The following TTC39B variants were observed in gnomAD, a reference collection of about 807,000 sequenced individuals.
The protein encoded by TTC39B is tetratricopeptide repeat protein 39B.
TTC39B carries 92 observed loss-of-function variants against 96.6 expected under a neutral mutation model. The ratio of observed to expected loss-of-function variants is 0.95; its 90% CI spans 0.80 to 1.13. The LOEUF (loss-of-function observed/expected upper bound fraction) is 1.13. TTC39B is among the 50% of genes most tolerant of loss of function. The pLI is 0.00. For synonymous variants in TTC39B, 367 were observed against 299.4 expected, an observed-to-expected ratio of 1.23 and a Z score of -2.33; for missense variants, 955 against 809.3, an observed-to-expected ratio of 1.18 and a Z score of -2.18.
chr9:15,297,553 C>G (rs1014090825), intron 1 of TTC39B, among the ~76,000 whole-genome samples: 1 of 152,118 alleles, frequency 6.6e-6, no homozygotes, highest in African/African-American at 2.4e-5. Flanking sequence ...ACCCTGCACT[C>G]CAGGTTACAG....
chr9:15,204,432 G>C (rs1466114310), intron 6 of TTC39B, among the ~76,000 whole-genome samples: 1 of 152,040 alleles, frequency 6.6e-6, no homozygotes, highest in Non-Finnish European at 1.5e-5. Context: ...GGGAGGCTGA[G>C]GTAGGAGAAT....
At chr9:15,257,788 G>A (rs942310944) in intron 2 of TTC39B, among the ~76,000 whole-genome samples, 34 of 151,680 alleles carry the variant, frequency 2.2e-4, no homozygotes, top group South Asian at 4.2e-4. Context: ...GGCCAGGCAC[G>A]GTGGCTCACG....
chr9:15,286,880 T>A (rs529371262), intron 1 of TTC39B, among the ~76,000 whole-genome samples: 31 of 152,370 alleles, frequency 2.0e-4, no homozygotes, highest in African/African-American at 7.5e-4. Context: ...AATTATTTTG[T>A]TGCTCAAATT....
intron 2 of TTC39B, among the ~76,000 whole-genome samples, chr9:15,230,932 C>T (rs1456150052): frequency 6.6e-6 from 1 of 151,764 alleles, no homozygotes; most frequent in East Asian, 1.9e-4. Context: ...TTGCAGTGAG[C>T]CAAGATTGTG....
intron 2 of TTC39B, among the ~76,000 whole-genome samples, chr9:15,265,101 A>G (rs1471147317): frequency 2.0e-5 from 3 of 152,196 alleles, no homozygotes; most frequent in Non-Finnish European, 4.4e-5. Flanking sequence ...TGGGCTAGCA[A>G]TTTTAGGGCT....
At chr9:15,176,361 C>A (rs568823641) in intron 18 of TTC39B, among the ~76,000 whole-genome samples, 1 of 152,286 alleles carries the variant, frequency 6.6e-6, no homozygotes, top group Admixed American at 6.5e-5. Context: ...AAATAGAATT[C>A]AATAGATATT....
intron 8 of TTC39B, among the ~76,000 whole-genome samples, chr9:15,197,828 G>A (rs1038506093): frequency 8.6e-5 from 13 of 150,982 alleles, no homozygotes; most frequent in East Asian, 3.9e-4. Flanking sequence ...ACAATAGGAC[G>A]CCAGTTTTAA....
At chr9:15,226,322 A>T (rs1246822896) in intron 2 of TTC39B, among the ~76,000 whole-genome samples, 1 of 152,186 alleles carries the variant, frequency 6.6e-6, no homozygotes, top group Non-Finnish European at 1.5e-5. Flanking sequence ...TTCCCAAGTA[A>T]ATCTATACAT....
At chr9:15,259,732 T>C (rs1036539905) in intron 2 of TTC39B, among the ~76,000 whole-genome samples, 2 of 152,322 alleles carry the variant, frequency 1.3e-5, no homozygotes, top group Admixed American at 6.5e-5. Flanking sequence ...ACTTACTATA[T>C]TTTTTATTTA....
chr9:15,291,453 G>A (rs1359825290), intron 1 of TTC39B, among the ~76,000 whole-genome samples: 1 of 152,214 alleles, frequency 6.6e-6, no homozygotes, highest in African/African-American at 2.4e-5. Context: ...CCCAGCCACA[G>A]TGAACTGTAA....
At chr9:15,297,745 C>A (rs62570852) in intron 1 of TTC39B, among the ~76,000 whole-genome samples, 2 of 152,002 alleles carry the variant, frequency 1.3e-5, no homozygotes, top group Admixed American at 6.6e-5. Context: ...TCAGCCTCCA[C>A]GCCTTGCCAG....
chr9:15,286,255 G>A (rs569278214), intron 1 of TTC39B, among the ~76,000 whole-genome samples: 21 of 152,176 alleles, frequency 1.4e-4, no homozygotes, highest in Non-Finnish European at 2.5e-4. Context: ...TTCACATCTG[G>A]CAGTCACAAC....
chr9:15,203,536 C>T (rs1819666139), intron 7 of TTC39B, among the ~76,000 whole-genome samples: 1 of 151,844 alleles, frequency 6.6e-6, no homozygotes, highest in Non-Finnish European at 1.5e-5. Flanking sequence ...GCTAGGATTA[C>T]AGGCGTGAGC....
intron 3 of TTC39B, among the ~76,000 whole-genome samples, chr9:15,215,631 G>A (rs919608062): frequency 6.6e-6 from 1 of 151,706 alleles, no homozygotes; most frequent in Non-Finnish European, 1.5e-5. Flanking sequence ...GCCGAGGCAG[G>A]TGGATCATTT....
At chr9:15,271,577 G>A (rs1052036027) in intron 1 of TTC39B, among the ~76,000 whole-genome samples, 4 of 151,904 alleles carry the variant, frequency 2.6e-5, no homozygotes, top group South Asian at 4.2e-4. Flanking sequence ...AGACTCTCAC[G>A]CCACCGCTGA....
intron 8 of TTC39B, among the ~76,000 whole-genome samples, chr9:15,195,374 A>G (rs1819098707): frequency 6.6e-6 from 1 of 152,160 alleles, no homozygotes; most frequent in African/African-American, 2.4e-5. Context: ...CACCATCTCT[A>G]TAACAAAAAA....
chr9:15,275,247 G>A (rs1823496845), intron 1 of TTC39B, among the ~76,000 whole-genome samples: 1 of 152,094 alleles, frequency 6.6e-6, no homozygotes, highest in African/African-American at 2.4e-5. Flanking sequence ...CTCCAGGTTG[G>A]TAAGGCTGGT....
chr9:15,300,293 G>T (rs1422193955), intron 1 of TTC39B, among the ~76,000 whole-genome samples: 1 of 152,112 alleles, frequency 6.6e-6, no homozygotes, highest in African/African-American at 2.4e-5. Flanking sequence ...CCCCTACCCA[G>T]CCACACAAGG....
chr9:15,296,328 T>C (rs1320885897), intron 1 of TTC39B, among the ~76,000 whole-genome samples: 1 of 152,194 alleles, frequency 6.6e-6, no homozygotes, highest in Non-Finnish European at 1.5e-5. Context: ...GCATTTCAGT[T>C]TACAGGCATC....
Sources: gnomAD v4.1 joint callset for allele counts (sites outside exome capture counted in the v4.1 genomes callset) on GRCh38, gnomAD v4.1.1 for gene constraint, MANE v1.5 for transcripts, NCBI Gene and HGNC (gene_info 2026-07-23, HGNC 2026-07-21) for gene names.